The following DLG2 variants were observed in gnomAD, a reference collection of about 807,000 sequenced individuals.
DLG2 encodes disks large homolog 2.
Under a neutral mutation model 132.5 loss-of-function variants are expected in DLG2, and 45 were observed. The ratio of observed to expected loss-of-function variants is 0.34; its 90% CI spans 0.27 to 0.44. The LOEUF (loss-of-function observed/expected upper bound fraction) is 0.44. Ranked by LOEUF, DLG2 falls within the 20% of genes least tolerant of loss-of-function variation. The pLI, the probability that DLG2 is intolerant of heterozygous loss-of-function variation, is 1.00. For missense variants in DLG2, 1,045 were observed against 1,196.9 expected (o/e 0.87, Z 1.87); for synonymous variants, 424 against 419.6 (o/e 1.01, Z -0.13).
At chr11:84,719,045 C>T (rs751211192) in intron 6 of DLG2, among the ~76,000 whole-genome samples, 8 of 152,172 alleles carry the variant, frequency 5.3e-5, no homozygotes, top group Non-Finnish European at 8.8e-5. Flanking sequence ...GCAGGTGCCT[C>T]AGAGATAATC....
chr11:85,335,735 G>A (rs1467966277), intron 3 of DLG2, among the ~76,000 whole-genome samples: 2 of 151,808 alleles, frequency 1.3e-5, no homozygotes, highest in African/African-American at 4.8e-5. Flanking sequence ...ATAATTGTGA[G>A]TTGAACAATG....
At chr11:84,984,829 G>T (rs1200861728) in intron 6 of DLG2, among the ~76,000 whole-genome samples, 1 of 152,150 alleles carries the variant, frequency 6.6e-6, no homozygotes, top group Non-Finnish European at 1.5e-5. Flanking sequence ...GCGGGCAGGA[G>T]TAGCTAGTCC....
chr11:85,467,503 G>A (rs530291012), intron 3 of DLG2, among the ~76,000 whole-genome samples: 3 of 152,116 alleles, frequency 2.0e-5, no homozygotes, highest in South Asian at 4.2e-4. Context: ...TAATTTATTG[G>A]GAGTTTTTAG....
At chr11:85,055,979 T>C (rs1566748827) in intron 6 of DLG2, among the ~76,000 whole-genome samples, 1 of 152,172 alleles carries the variant, frequency 6.6e-6, no homozygotes, top group Non-Finnish European at 1.5e-5. Context: ...CCCTGTACTC[T>C]AGCTGCACTT....
chr11:83,903,704 T>C (rs923683231), intron 15 of DLG2, among the ~76,000 whole-genome samples: 3 of 152,180 alleles, frequency 2.0e-5, no homozygotes, highest in Non-Finnish European at 4.4e-5. Context: ...GCTTTATATT[T>C]TCAACCAATT....
chr11:83,699,387 A>G (rs1369777365), intron 18 of DLG2, among the ~76,000 whole-genome samples: 1 of 152,100 alleles, frequency 6.6e-6, no homozygotes, highest in African/African-American at 2.4e-5. Context: ...TCTCCAAGAC[A>G]CATCATTAAG....
chr11:84,863,582 C>T (rs1319958977), intron 6 of DLG2, among the ~76,000 whole-genome samples: 1 of 152,136 alleles, frequency 6.6e-6, no homozygotes, highest in East Asian at 1.9e-4. Context: ...GCTTAAAATA[C>T]ACATAAAGAA....
chr11:84,600,511 T>C (rs1461712047), intron 6 of DLG2, among the ~76,000 whole-genome samples: 2 of 152,206 alleles, frequency 1.3e-5, no homozygotes, highest in Non-Finnish European at 1.5e-5. Context: ...TCCAGGATTA[T>C]TGAGGCTAAG....
At chr11:84,013,400 AT>A (rs2094989468) in intron 11 of DLG2, among the ~76,000 whole-genome samples, 1 of 152,192 alleles carries the variant, frequency 6.6e-6, no homozygotes, top group African/African-American at 2.4e-5. Context: ...ATGGTCTAGA[AT>A]GGAAAAATAA....
chr11:84,591,223 C>CTCTCTCTGTGTGTG (rs1555073566), intron 6 of DLG2, among the ~76,000 whole-genome samples: 1 of 139,222 alleles, frequency 7.2e-6, no homozygotes, highest in Non-Finnish European at 1.5e-5. Context: ...ATGTGTCTCT[C>CTCTCTCTGTGTGTG]TGTGTGTGTG....
chr11:85,315,278 G>A (rs929646943), intron 3 of DLG2, among the ~76,000 whole-genome samples: 1 of 151,924 alleles, frequency 6.6e-6, no homozygotes, highest in Non-Finnish European at 1.5e-5. Flanking sequence ...CCACTATCTT[G>A]TCCTGTCTTA....
intron 18 of DLG2, among the ~76,000 whole-genome samples, chr11:83,775,440 T>C (rs2094543683): frequency 6.6e-6 from 1 of 152,240 alleles, no homozygotes; most frequent in African/African-American, 2.4e-5. Context: ...GCTTTCTGTG[T>C]CTCAGTTTCC....
chr11:84,875,961 T>C (rs1943722), intron 6 of DLG2, among the ~76,000 whole-genome samples: 127,923 of 152,134 alleles, frequency 0.84, 54,666 homozygotes, highest in Middle Eastern at 0.96. Context: ...TGGTCTCGAA[T>C]GCCTGACCTC....
chr11:84,803,911 A>G (rs892688363), intron 6 of DLG2, among the ~76,000 whole-genome samples: 3 of 152,220 alleles, frequency 2.0e-5, no homozygotes, highest in African/African-American at 7.2e-5. Context: ...AGTATTTCCT[A>G]GAACAGAGCC....
At chr11:83,858,577 A>G (rs908622442) in intron 16 of DLG2, among the ~76,000 whole-genome samples, 3 of 152,284 alleles carry the variant, frequency 2.0e-5, no homozygotes, top group South Asian at 4.1e-4. Flanking sequence ...TTTTCTCACA[A>G]GGAGGTGGAC....
At chr11:85,308,120 C>G (rs1486860783) in intron 3 of DLG2, among the ~76,000 whole-genome samples, 2 of 146,340 alleles carry the variant, frequency 1.4e-5, no homozygotes, top group African/African-American at 5.3e-5. Flanking sequence ...TGCCACTGCA[C>G]TCCAGCCTGG....
intron 3 of DLG2, among the ~76,000 whole-genome samples, chr11:85,465,526 A>G (rs531584626): frequency 1.6e-4 from 25 of 152,066 alleles, no homozygotes; most frequent in African/African-American, 5.3e-4. Flanking sequence ...TCATTGTTCA[A>G]TTCCCACCTA....
At chr11:84,653,078 C>G (rs1352942648) in intron 6 of DLG2, among the ~76,000 whole-genome samples, 1 of 151,866 alleles carries the variant, frequency 6.6e-6, no homozygotes, top group Non-Finnish European at 1.5e-5. Context: ...TACAGGCATG[C>G]GTCATCACGC....
intron 6 of DLG2, among the ~76,000 whole-genome samples, chr11:84,551,482 T>C (rs1304041423): frequency 6.6e-6 from 1 of 152,254 alleles, no homozygotes; most frequent in Non-Finnish European, 1.5e-5. Context: ...GATTACTGCC[T>C]GTGACATGAC....
Sources: gnomAD v4.1 joint callset for allele counts (sites outside exome capture counted in the v4.1 genomes callset) on GRCh38, gnomAD v4.1.1 for gene constraint, MANE v1.5 for transcripts, NCBI Gene and HGNC (gene_info 2026-07-23, HGNC 2026-07-21) for gene names.